The following MCM6 variants were observed in gnomAD, a reference collection of about 807,000 sequenced individuals.
The protein encoded by MCM6 is minichromosome maintenance complex component 6.
MCM6 carries 46 observed loss-of-function variants against 94.3 expected under a neutral mutation model. That is an observed-to-expected ratio of 0.49 (90% CI 0.39 to 0.62). MCM6 has a LOEUF of 0.62. Among genes scored for constraint, MCM6 ranks in the 20% least tolerant of loss-of-function variants. The pLI, the probability that MCM6 is intolerant of heterozygous loss-of-function variation, is 0.00. For missense variants in MCM6, 865 were observed against 1,017.9 expected, an observed-to-expected ratio of 0.85 and a Z score of 2.04; for synonymous variants, 335 against 351.9, an observed-to-expected ratio of 0.95 and a Z score of 0.54.
In MCM6 at chr2:135,852,835, G is replaced by A. The variant is rs200204415; in HGVS notation, c.1707C>T (p.Leu569=). ...AGAGAAGATATCTTCTGATATCATC[G>A]AGGGAATAGACACGATCAATTGATT... ...IEESIDRVYS[L]DDIRRYLLFA... The change falls in exon 12 of 17, where the codon CTC becomes CTT. Residue 569 remains leucine (L), a synonymous_variant. Transcript: ENST00000264156. 21 of 1,609,084 alleles carry A rather than the reference G, an allele frequency of 1.3e-5. No individual in the cohort carries two copies. Among genetic ancestry groups the A allele is most frequent in the Admixed American group, 1.7e-5 (1 of 59,164 alleles).
At chr2:135,875,633 GA>G (rs1428602420) in intron 1 of MCM6, among the ~76,000 whole-genome samples, 1 of 152,012 alleles carries the variant, frequency 6.6e-6, no homozygotes, top group Admixed American at 6.6e-5. Flanking sequence ...CAGAGGCACA[GA>G]AAAAAAGAAG....
chr2:135,852,979 C>T (rs550383821), intron 11 of MCM6, 64 bp from the exon 12 acceptor site: 1 of 1,425,262 alleles, frequency 7.0e-7, no homozygotes, highest in South Asian at 1.4e-5. Flanking sequence ...CTATCCCAGG[C>T]AATAAGAAAT....
chr2:135,857,893 A>G lies in MCM6; in HGVS notation c.1470+4T>C. 2 of 1,610,068 alleles carry G rather than the reference A, an allele frequency of 1.2e-6. No individual in the cohort carries two copies. The highest frequency in any genetic ancestry group is 3.4e-4 in the Middle Eastern group (2 of 5,840). Reference sequence around the variant, plus strand: ...GCAGCAGAACAGAAGTAGATAACACATACCTTCACTCCTGCTTTAGTGATG... The same window carrying G: ...GCAGCAGAACAGAAGTAGATAACACGTACCTTCACTCCTGCTTTAGTGATG... On this transcript the variant is annotated splice_donor_region_variant and intron_variant, in intron 10 of 16. Transcript: ENST00000264156.
chr2:135,841,400 A>T (rs1282654882), intron 16 of MCM6, among the ~76,000 whole-genome samples: 1 of 152,166 alleles, frequency 6.6e-6, no homozygotes, highest in Non-Finnish European at 1.5e-5. Context: ...ATGAAAATTC[A>T]TCTGAAAAAT....
chr2:135,870,402 C>T (rs757027238), intron 2 of MCM6, 41 bp from the exon 3 acceptor site: 1 of 1,387,416 alleles, frequency 7.2e-7, no homozygotes, highest in Non-Finnish European at 1.0e-6. Context: ...AGAGGTTTAC[C>T]AAGGCCTCCT....
At chr2:135,846,640 C>T (rs4988262) in intron 14 of MCM6, among the ~76,000 whole-genome samples, 9,956 of 152,076 alleles carry the variant, frequency 0.065, 873 homozygotes, top group African/African-American at 0.2. Context: ...CCACATCCAG[C>T]CTTAACACTA....
intron 12 of MCM6, 87 bp downstream of exon 12, chr2:135,852,700 T>C (rs946662467): frequency 3.1e-6 from 3 of 964,366 alleles, no homozygotes; most frequent in Non-Finnish European, 4.2e-6. Flanking sequence ...AGATGACAGG[T>C]TCAGTTAATT....
At chr2:135,861,698 C>T (rs1039952601) in intron 8 of MCM6, among the ~76,000 whole-genome samples, 47 of 152,190 alleles carry the variant, frequency 3.1e-4, no homozygotes, top group African/African-American at 1.1e-3. Flanking sequence ...CTGCAAGCTC[C>T]GCCTCCTGGG....
At chr2:135,869,195 G>A (rs1476262232) in intron 3 of MCM6, among the ~76,000 whole-genome samples, 1 of 152,144 alleles carries the variant, frequency 6.6e-6, no homozygotes, top group Non-Finnish European at 1.5e-5. Flanking sequence ...GAGGTCAAGA[G>A]ATCAAGACCA....
At position 135,866,640 on chromosome 2, in the gene MCM6, G is replaced by T. The variant is rs780849785; in HGVS notation, c.704C>A (p.Ser235Ter). 6.2e-7 allele frequency: 1 copy of T among 1,614,164 alleles called. No individual in the cohort carries two copies. Among genetic ancestry groups the T allele is most frequent in the Admixed American group, 1.7e-5 (1 of 60,014 alleles). Residue 235 changes from serine to a stop codon, truncating the protein, a stop_gained, in exon 5 of 17, where the codon TCA becomes TAA. Transcript: ENST00000264156. LOFTEE classifies it high-confidence loss of function. ...GTCACACTTGTCACCAGCTTGAGCT[G>T]ATTCCACAGCTTCAGCCCTTAAAAT... ...EVILRAEAVE[S>*]AQAGDKCDFT...
intron 11 of MCM6, 143 bp from the exon 12 acceptor site, chr2:135,853,058 G>C (rs1679806849): frequency 3.2e-6 from 2 of 629,334 alleles, no homozygotes; most frequent in East Asian, 6.3e-5. Context: ...AGTTTCTGAT[G>C]AAAGTTTGGG....
chr2:135,872,852 A>G lies in MCM6; in HGVS notation c.108-9T>C. ...CATCGCTGCTCTGAAACCTGCAGGT[A>G]CATTCGAGTCAACTAGATTAAGGAC... On this transcript the variant is annotated splice_polypyrimidine_tract_variant and intron_variant, in intron 1 of 16. Transcript: ENST00000264156. The G allele has an allele frequency of 2.5e-6, 4 of 1,613,782 alleles. No individual in the cohort carries two copies. Among genetic ancestry groups the G allele is most frequent in the Non-Finnish European group, 3.4e-6 (4 of 1,179,824 alleles).
intron 1 of MCM6, among the ~76,000 whole-genome samples, chr2:135,875,914 C>T (rs1229895923): frequency 1.3e-5 from 2 of 152,246 alleles, no homozygotes; most frequent in African/African-American, 4.8e-5. Flanking sequence ...CACCCAGCGG[C>T]CCAGTTACTA....
rs751796727 is a variant in MCM6 at position 135,868,653 on chromosome 2, G to A, written c.573C>T (p.Phe191=). Residue 191 remains phenylalanine, a synonymous_variant, in exon 4 of 17, where the codon TTC becomes TTT. Coordinates refer to ENST00000264156, the MANE Select transcript of MCM6 (RefSeq NM_005915.6). ...ATCTTGATTTATTTGTATCCAGTAA[G>A]AATCTCCTCCTGTTGGCACAAACTG... is the stretch of plus-strand genomic sequence containing the variant. ...RNPVCANRRR[F]LLDTNKSRFV... 6.2e-7 allele frequency: 1 copy of A among 1,614,116 alleles called. No individual in the cohort carries two copies. The highest frequency in any genetic ancestry group is 8.5e-7 in the Non-Finnish European group (1 of 1,179,994).
intron 9 of MCM6, 62 bp downstream of exon 9, chr2:135,859,239 C>T: frequency 7.3e-7 from 1 of 1,365,116 alleles, no homozygotes; most frequent in Middle Eastern, 2.1e-4. Flanking sequence ...ACTTATAGGC[C>T]TTTACTGATA....
chr2:135,861,166 A>C (rs1679984329), intron 8 of MCM6, among the ~76,000 whole-genome samples: 1 of 152,224 alleles, frequency 6.6e-6, no homozygotes, highest in African/African-American at 2.4e-5. Context: ...CAAACCAACT[A>C]AAAATGTTCA....
In MCM6 at chr2:135,866,711, G is replaced by T. The variant is rs754312904; in HGVS notation, c.633C>A (p.Thr211=). 3.2e-5 allele frequency: 51 copies of T among 1,610,076 alleles called. No individual in the cohort carries two copies. The highest frequency in any genetic ancestry group is 4.1e-5 in the Non-Finnish European group (48 of 1,178,608). ...TACTCCCTCGAGGAAGCTCAGCTTG[G>T]GTCTCTTGAATACGAACCTGTAATA... ...VDFQKVRIQE[T]QAELPRGSIP... is the part of the protein sequence containing the mutation. Residue 211 remains threonine, a synonymous_variant, in exon 5 of 17, where the codon ACC becomes ACA. Coordinates refer to ENST00000264156, the MANE Select transcript of MCM6 (RefSeq NM_005915.6).
chr2:135,860,347 G>A (rs111427863), intron 8 of MCM6, among the ~76,000 whole-genome samples: 6,271 of 150,988 alleles, frequency 0.042, 400 homozygotes, highest in African/African-American at 0.14. Flanking sequence ...TGTTAGCCAG[G>A]ACGGTCTCGA....
intron 2 of MCM6, among the ~76,000 whole-genome samples, chr2:135,870,794 T>C (rs1277947101): frequency 2.6e-5 from 4 of 152,310 alleles, no homozygotes. Flanking sequence ...TCACCCAGAC[T>C]GGAGTGCAGT....
Sources: allele counts gnomAD v4.1 joint callset (sites outside exome capture counted in the v4.1 genomes callset), GRCh38; gene constraint gnomAD v4.1.1; transcripts MANE v1.5; gene names NCBI Gene and HGNC (gene_info 2026-07-23, HGNC 2026-07-21).